GNG4: variants seen among roughly 807,000 people sequenced by gnomAD.
GNG4 encodes the protein G protein subunit gamma 4.
In GNG4, 4 loss-of-function variants were observed where a neutral mutation model predicts 5.8. The ratio of observed to expected loss-of-function variants is 0.69; its 90% CI spans 0.34 to 1.57. The LOEUF is 1.57. Ranked by LOEUF, GNG4 falls within the 40% of genes most tolerant of loss-of-function variation. The pLI is 0.06. For missense variants in GNG4, 96 were observed against 95.1 expected, an observed-to-expected ratio of 1.01 and a Z score of -0.04; for synonymous variants, 29 against 32.9, an observed-to-expected ratio of 0.88 and a Z score of 0.41.
chr1:235,619,394 C>T (rs1349063950), intron 1 of GNG4, among the ~76,000 whole-genome samples: 4 of 151,630 alleles, frequency 2.6e-5, no homozygotes, highest in Non-Finnish European at 1.5e-5. Flanking sequence ...AAGACTGTCT[C>T]AGGGAAAAAA....
At chr1:235,634,250 G>T (rs1426417075) in intron 1 of GNG4, among the ~76,000 whole-genome samples, 2 of 152,202 alleles carry the variant, frequency 1.3e-5, no homozygotes, top group Non-Finnish European at 2.9e-5. Context: ...AAAAGAATTT[G>T]CCAAGACAGT....
chr1:235,570,100 A>C (rs909885688), intron 3 of GNG4, among the ~76,000 whole-genome samples: 1 of 152,186 alleles, frequency 6.6e-6, no homozygotes, highest in Admixed American at 6.5e-5. Context: ...TTTATGTTAT[A>C]TCCTGAAGAG....
intron 1 of GNG4, among the ~76,000 whole-genome samples, chr1:235,604,024 G>A (rs760239121): frequency 3.6e-4 from 55 of 152,060 alleles, no homozygotes; most frequent in Non-Finnish European, 6.3e-4. Flanking sequence ...CCATTGCTTC[G>A]GCCTTGCAGG....
At chr1:235,643,485 T>C (rs61834633) in intron 1 of GNG4, among the ~76,000 whole-genome samples, 41,561 of 152,090 alleles carry the variant, frequency 0.27, 6,201 homozygotes, top group African/African-American at 0.4. Flanking sequence ...TCCTCTGGAG[T>C]GCATGACCAT....
chr1:235,573,687 G>A (rs371845148), intron 3 of GNG4, among the ~76,000 whole-genome samples: 3 of 152,090 alleles, frequency 2.0e-5, no homozygotes, highest in South Asian at 4.1e-4. Flanking sequence ...CGAGGCAGGA[G>A]AATCACTTGA....
intron 1 of GNG4, among the ~76,000 whole-genome samples, chr1:235,606,787 T>C (rs1171574749): frequency 6.6e-6 from 1 of 151,580 alleles, no homozygotes; most frequent in African/African-American, 2.4e-5. Flanking sequence ...GGGAGGCTCA[T>C]GGGCCAGGGG....
chr1:235,619,711 C>A (rs923165205), intron 1 of GNG4, among the ~76,000 whole-genome samples: 1 of 152,138 alleles, frequency 6.6e-6, no homozygotes, highest in African/African-American at 2.4e-5. Flanking sequence ...AAAAACAGTT[C>A]TTCATCTTTT....
At chr1:235,572,818 G>C (rs976738396) in intron 3 of GNG4, among the ~76,000 whole-genome samples, 2 of 151,974 alleles carry the variant, frequency 1.3e-5, no homozygotes, top group African/African-American at 4.8e-5. Context: ...TACACTACTA[G>C]AATCTTATGG....
chr1:235,628,847 G>C (rs78949274), intron 1 of GNG4, among the ~76,000 whole-genome samples: 5 of 152,112 alleles, frequency 3.3e-5, no homozygotes, highest in African/African-American at 1.2e-4. Flanking sequence ...TTCTCTCAGG[G>C]TTTGCCATTC....
intron 1 of GNG4, among the ~76,000 whole-genome samples, chr1:235,624,057 C>T (rs1206364088): frequency 6.6e-6 from 1 of 151,882 alleles, no homozygotes; most frequent in Non-Finnish European, 1.5e-5. Context: ...GTGGCTCTAG[C>T]AGTCCCTTCA....
chr1:235,554,724 A>G (rs1281413287), intron 3 of GNG4, among the ~76,000 whole-genome samples: 2 of 152,066 alleles, frequency 1.3e-5, no homozygotes, highest in Non-Finnish European at 2.9e-5. Flanking sequence ...GGGTGCCTGT[A>G]ATCCCAGCTA....
At chr1:235,636,789 C>T (rs553424321) in intron 1 of GNG4, among the ~76,000 whole-genome samples, 2 of 152,296 alleles carry the variant, frequency 1.3e-5, no homozygotes, top group South Asian at 4.1e-4. Flanking sequence ...CACATCGGAA[C>T]TGGATTCTGG....
chr1:235,637,381 G>A (rs1034093717), intron 1 of GNG4, among the ~76,000 whole-genome samples: 13 of 152,136 alleles, frequency 8.5e-5, no homozygotes, highest in African/African-American at 2.2e-4. Flanking sequence ...GGCTGGGCGC[G>A]GTGGCTCACA....
At chr1:235,646,704 C>T (rs967894266) in intron 1 of GNG4, among the ~76,000 whole-genome samples, 6 of 152,222 alleles carry the variant, frequency 3.9e-5, no homozygotes, top group Non-Finnish European at 7.3e-5. Context: ...TTTCCCTTAT[C>T]TGCATGGCAC....
intron 1 of GNG4, among the ~76,000 whole-genome samples, chr1:235,618,382 T>C (rs1688640101): frequency 6.6e-6 from 1 of 152,244 alleles, no homozygotes; most frequent in African/African-American, 2.4e-5. Context: ...TATACTTGTC[T>C]GTAAAACCGT....
At position 235,552,009 on chromosome 1, in the gene GNG4, G is replaced by A; in HGVS notation, c.*100C>T. 1 of 974,208 alleles carries A rather than the reference G, an allele frequency of 1.0e-6. No homozygotes were observed. Among genetic ancestry groups the A allele is most frequent in the Non-Finnish European group, 1.6e-6 (1 of 630,318 alleles). The allele number at this position is 974,208 out of a possible 1,614,324, so 60.3% of individuals were successfully genotyped here. A position where few individuals can be genotyped will look rare whatever the true frequency, so the allele number is the denominator to read the frequency against. On this transcript the variant is annotated 3_prime_UTR_variant, in exon 4 of 4. Coordinates refer to ENST00000391854, the MANE Select transcript of GNG4 (RefSeq NM_001098722.2). ...AGCCCCGGCCACTGTTGGCTGGGCAGGGATGGGTGTTGGTCTCACTCCCTA... is the reference window on the plus strand; with the variant it reads ...AGCCCCGGCCACTGTTGGCTGGGCAAGGATGGGTGTTGGTCTCACTCCCTA...
rs1195086435 is a variant in GNG4, at chr1:235,642,607, G to A, written c.-123+7055C>T. Among the ~76,000 whole-genome samples the A allele has an allele frequency of 1.3e-5, 2 of 152,168 alleles. No homozygotes were observed. Among genetic ancestry groups the A allele is most frequent in the African/African-American group, 4.8e-5 (2 of 41,440 alleles). On this transcript the variant is annotated intron_variant, in intron 1 of 3. Coordinates refer to ENST00000391854, the MANE Select transcript of GNG4 (RefSeq NM_001098722.2). The surrounding 1 kb of genome is among the most constrained non-coding windows in gnomAD (Gnocchi z 4.3). The stretch of plus-strand genomic sequence containing the variant: ...TTTGCAGAGGCGGGCAGGAGGGGCA[G>A]GGGGCCAGGGAGAGGGCAGGGTTGG...
At chr1:235,583,142 C>T (rs192271883) in intron 3 of GNG4, among the ~76,000 whole-genome samples, 10 of 152,324 alleles carry the variant, frequency 6.6e-5, no homozygotes, top group South Asian at 6.2e-4. Flanking sequence ...GTCATGCTCA[C>T]GGACTCGTTC....
At chr1:235,606,596 C>A (rs1027969473) in intron 1 of GNG4, among the ~76,000 whole-genome samples, 1 of 152,054 alleles carries the variant, frequency 6.6e-6, no homozygotes, top group Non-Finnish European at 1.5e-5. Flanking sequence ...AGGAAAAGAG[C>A]AAGTGGAATG....
Sources: gnomAD v4.1 joint callset for allele counts (sites outside exome capture counted in the v4.1 genomes callset) on GRCh38, gnomAD v4.1.1 for gene constraint, Gnocchi (gnomAD v3.1) non-coding constraint, MANE v1.5 for transcripts, NCBI Gene and HGNC (gene_info 2026-07-23, HGNC 2026-07-21) for gene names.